Variants in NPHS2 observed in about 807,000 individuals in gnomAD.
NPHS2 encodes the protein NPHS2 stomatin family member, podocin, also known as podocin.
In NPHS2, 36 loss-of-function variants were observed where a neutral mutation model predicts 37.1. The observed-to-expected ratio is 0.97, with a 90% CI of 0.74 to 1.28. The LOEUF is 1.28. Among genes scored for constraint, NPHS2 ranks in the 50% most tolerant of loss-of-function variants. The pLI, the probability that NPHS2 is intolerant of heterozygous loss-of-function variation, is 0.00. For missense variants in NPHS2, 447 were observed against 488.1 expected (o/e 0.92, Z 0.79); for synonymous variants, 196 against 189.3 (o/e 1.04, Z -0.29).
At chr1:179,570,638 G>C (rs968371978) in intron 1 of NPHS2, among the ~76,000 whole-genome samples, 1 of 152,196 alleles carries the variant, frequency 6.6e-6, no homozygotes, top group Admixed American at 6.5e-5. Flanking sequence ...CAGAGATTTT[G>C]TTTATGGCCA....
Position 179,564,823 on chromosome 1 carries a change from A to G in NPHS2, c.275-30T>C, listed in dbSNP as rs760592729. 11 of 1,549,294 alleles carry G rather than the reference A, an allele frequency of 7.1e-6. No homozygotes were observed. The African/African-American group carries it at 1.4e-4, about 19-fold the overall frequency. ...AAAAAATTAAAGCAAAAGAATAATTATATTGAAACTTCACTGTATTCACTG... is the reference window on the plus strand; with the variant it reads ...AAAAAATTAAAGCAAAAGAATAATTGTATTGAAACTTCACTGTATTCACTG... On this transcript the variant is annotated intron_variant, in intron 1 of 7. Coordinates refer to ENST00000367615, the MANE Select transcript of NPHS2 (RefSeq NM_014625.4).
intron 2 of NPHS2, among the ~76,000 whole-genome samples, chr1:179,563,758 G>C (rs1352935830): frequency 6.6e-6 from 1 of 152,168 alleles, no homozygotes; most frequent in Non-Finnish European, 1.5e-5. Flanking sequence ...AAAATACTTT[G>C]AGATAAATGA....
chr1:179,557,018 T>C lies in NPHS2; in HGVS notation c.738+9A>G, dbSNP rs753978675. On this transcript the variant is annotated intron_variant, in intron 5 of 7. Coordinates refer to ENST00000367615, the MANE Select transcript of NPHS2 (RefSeq NM_014625.4). ...TTCAGCATATTGGCCATTATGTTTA[T>C]CTAAGTACCTTTGCATCTTGGGCGA... is the stretch of plus-strand genomic sequence containing the variant. 1 of 1,607,012 alleles carries C rather than the reference T, an allele frequency of 6.2e-7. No individual in the cohort carries two copies. The highest frequency in any genetic ancestry group is 1.1e-5 in the South Asian group (1 of 90,600).
chr1:179,568,858 G>A lies in NPHS2; in HGVS notation c.275-4065C>T, dbSNP rs59777886. 9.9e-3 allele frequency among the ~76,000 whole-genome samples: 1,511 copies of A among 152,314 alleles called. 21 individuals are homozygous for A. The highest frequency in any genetic ancestry group is 0.035 in the African/African-American group (1,447 of 41,562). On this transcript the variant is annotated intron_variant, in intron 1 of 7. Transcript: ENST00000367615. ...TGTTCAGTTTCCATGTAGTTGTGTGGTTTTGAGTGAGTTTCTTAATCCTGA... is the reference window on the plus strand; with the variant it reads ...TGTTCAGTTTCCATGTAGTTGTGTGATTTTGAGTGAGTTTCTTAATCCTGA...
rs973602590 is a variant in NPHS2, at chr1:179,575,825, C to T, written c.40G>A (p.Gly14Arg). Residue 14 changes from glycine to arginine, a missense_variant, in exon 1 of 8, where the codon GGG (glycine) becomes AGG (arginine). By Grantham distance (125) the Gly-to-Arg change is moderately radical. Coordinates refer to ENST00000367615, the MANE Select transcript of NPHS2 (RefSeq NM_014625.4). Reference protein sequence around the residue: ...RARSSSRESRGRGGRTPHKEN... With the variant: ...RARSSSRESRRRGGRTPHKEN... ...TTGTGCGGAGTCCTGCCGCCTCGCC[C>T]GCGGGACTCCCTGGAGGAGCTCCGC... is the stretch of plus-strand genomic sequence containing the variant. 25 of 1,457,468 alleles carry T rather than the reference C, an allele frequency of 1.7e-5. No individual in the cohort carries two copies. The highest frequency in any genetic ancestry group is 2.1e-5 in the Non-Finnish European group (23 of 1,115,338). The allele number at this position is 1,457,468 out of a possible 1,614,324, so 90.3% of individuals were successfully genotyped here. A position where few individuals can be genotyped will look rare whatever the true frequency, so the allele number is the denominator to read the frequency against.
At chr1:179,571,460 C>T (rs775090361) in intron 1 of NPHS2, among the ~76,000 whole-genome samples, 5 of 152,112 alleles carry the variant, frequency 3.3e-5, no homozygotes, top group South Asian at 2.1e-4. Context: ...GGGGGGCAGC[C>T]GCCTATATGA....
intron 7 of NPHS2, chr1:179,551,765 C>T: frequency 2.8e-6 from 1 of 358,392 alleles, no homozygotes; most frequent in Non-Finnish European, 5.2e-6. Context: ...GCCAGCATTC[C>T]ATGCAAAGGC....
chr1:179,570,137 T>A (rs1243552631), intron 1 of NPHS2, among the ~76,000 whole-genome samples: 1 of 152,172 alleles, frequency 6.6e-6, no homozygotes, highest in Non-Finnish European at 1.5e-5. Flanking sequence ...CTGAAGAGTG[T>A]TTTGCAACTT....
chr1:179,553,769 C>T (rs762382409), intron 6 of NPHS2, among the ~76,000 whole-genome samples: 13 of 152,072 alleles, frequency 8.5e-5, no homozygotes, highest in Non-Finnish European at 1.2e-4. Flanking sequence ...TTCTTTGAGA[C>T]AGAGTCTCAC....
intron 1 of NPHS2, among the ~76,000 whole-genome samples, chr1:179,568,238 A>T (rs1674413517): frequency 6.6e-6 from 1 of 152,076 alleles, no homozygotes; most frequent in Admixed American, 6.5e-5. Flanking sequence ...AGAGCCTGTT[A>T]TTGGTCTATT....
intron 1 of NPHS2, among the ~76,000 whole-genome samples, chr1:179,574,743 C>A (rs886538823): frequency 2.0e-5 from 3 of 152,214 alleles, no homozygotes; most frequent in African/African-American, 4.8e-5. Context: ...TATTTAATTT[C>A]TTTTAACACC....
rs1345260812 is a variant in NPHS2 at position 179,561,324 on chromosome 1, A to C, written c.416T>G (p.Leu139Arg). The change falls in exon 3 of 8, where the codon CTG becomes CGG. Residue 139 changes from leucine to arginine, a missense_variant. By Grantham distance (102) the Leu-to-Arg change is moderately radical (BLOSUM62 -2). Coordinates refer to ENST00000367615, the MANE Select transcript of NPHS2 (RefSeq NM_014625.4). ...GGCTCTTCCAGGAAGCAGATGTCCC[A>C]GTCGGAATATAATTACTCTTTCATA... ...QEYERVIIFRLGHLLPGRAKG... is the reference protein window; with the variant it reads ...QEYERVIIFRRGHLLPGRAKG... 1 of 1,613,444 alleles carries C rather than the reference A, an allele frequency of 6.2e-7. No individual in the cohort carries two copies. Among genetic ancestry groups the C allele is most frequent in the Admixed American group, 1.7e-5 (1 of 60,004 alleles).
At chr1:179,568,681 G>A (rs1231293853) in intron 1 of NPHS2, among the ~76,000 whole-genome samples, 6 of 152,132 alleles carry the variant, frequency 3.9e-5, no homozygotes, top group African/African-American at 1.4e-4. Flanking sequence ...TTCTCTTGTG[G>A]GCATTTAGTG....
intron 1 of NPHS2, among the ~76,000 whole-genome samples, chr1:179,573,943 G>T (rs1674661594): frequency 6.6e-6 from 1 of 152,172 alleles, no homozygotes; most frequent in African/African-American, 2.4e-5. Context: ...AACATTGTCT[G>T]AGAGTCCCCA....
At chr1:179,551,533 A>G in intron 7 of NPHS2, 82 bp from the exon 8 acceptor site, 1 of 1,519,990 alleles carries the variant, frequency 6.6e-7, no homozygotes, top group Non-Finnish European at 9.1e-7. Flanking sequence ...CTCAGCAGAC[A>G]AGCACTGAGC....
At chr1:179,553,403 A>G (rs1050895917) in intron 6 of NPHS2, among the ~76,000 whole-genome samples, 29 of 152,376 alleles carry the variant, frequency 1.9e-4, no homozygotes, top group Middle Eastern at 3.4e-3. Context: ...TAGCCTCACA[A>G]TGAAATATTA....
At chr1:179,564,882 A>T in intron 1 of NPHS2, 89 bp from the exon 2 acceptor site, 1 of 1,048,794 alleles carries the variant, frequency 9.5e-7, no homozygotes, top group Non-Finnish European at 1.5e-6. Flanking sequence ...TTGGTATTGG[A>T]GTTGGCACAA....
chr1:179,568,654 T>G (rs530730141), intron 1 of NPHS2, among the ~76,000 whole-genome samples: 7 of 152,328 alleles, frequency 4.6e-5, no homozygotes, highest in African/African-American at 1.4e-4. Context: ...GGGTGTCAAT[T>G]TTAGATCTTT....
intron 2 of NPHS2, 117 bp downstream of exon 2, chr1:179,564,573 G>T (rs1000553709): frequency 2.1e-5 from 19 of 890,518 alleles, no homozygotes; most frequent in Non-Finnish European, 1.9e-5. Context: ...TGAGTCTGGG[G>T]TGAGGGCATT....
Sources: gnomAD v4.1 joint callset for allele counts (sites outside exome capture counted in the v4.1 genomes callset) on GRCh38, gnomAD v4.1.1 for gene constraint, MANE v1.5 for transcripts, NCBI Gene and HGNC (gene_info 2026-07-23, HGNC 2026-07-21) for gene names.